Variants in RANGAP1 observed in about 807,000 individuals in gnomAD.
RANGAP1 encodes the protein Ran GTPase activating protein 1.
In RANGAP1, 38 loss-of-function variants were observed where a neutral mutation model predicts 63.5. The ratio of observed to expected loss-of-function variants is 0.60; its 90% CI spans 0.46 to 0.78. The LOEUF (loss-of-function observed/expected upper bound fraction) is 0.78. Ranked by LOEUF, RANGAP1 falls within the 30% of genes least tolerant of loss-of-function variation. RANGAP1 has a pLI of 0.00. For missense variants in RANGAP1, 630 were observed against 740.3 expected, an observed-to-expected ratio of 0.85 and a Z score of 1.73; for synonymous variants, 329 against 310.5, an observed-to-expected ratio of 1.06 and a Z score of -0.63.
At chr22:41,251,162 T>C (rs1601592290) in intron 12 of RANGAP1, 53 bp from the exon 13 acceptor site, 1 of 1,465,196 alleles carries the variant, frequency 6.8e-7, no homozygotes, top group Non-Finnish European at 9.5e-7. Flanking sequence ...GAGAGGTACC[T>C]GGGCTCTGAC....
intron 11 of RANGAP1, 30 bp from the exon 12 acceptor site, chr22:41,253,021 G>A (rs2033578151): frequency 7.0e-7 from 1 of 1,418,862 alleles, no homozygotes; most frequent in East Asian, 2.8e-5. Context: ...AGGCTCTGGA[G>A]AATTCCGGAC....
chr22:41,269,696 T>C (rs371747709), intron 3 of RANGAP1, among the ~76,000 whole-genome samples: 1 of 146,786 alleles, frequency 6.8e-6, no homozygotes, highest in African/African-American at 2.5e-5. Flanking sequence ...GAGCTGAAAT[T>C]GCGCCACTAC....
chr22:41,256,821 A>C lies in RANGAP1; in HGVS notation c.778T>G (p.Leu260Val), dbSNP rs2033868936. Reference sequence around the variant, plus strand: ...ACCTCCACCTGCCGCAAGGTCTTCAAGGTCTGTGAGGGGGAAGCAAGGGTC... The same window carrying C: ...ACCTCCACCTGCCGCAAGGTCTTCACGGTCTGTGAGGGGGAAGCAAGGGTC... ...EKGAVAMAET[L>V]KTLRQVEVIN... Residue 260 changes from leucine (L) to valine (V), a missense_variant, in exon 8 of 16, where the codon TTG becomes GTG. Leu to Val is a conservative substitution (Grantham distance 32). Coordinates refer to ENST00000356244, the MANE Select transcript of RANGAP1 (RefSeq NM_002883.4). 1.2e-6 allele frequency: 2 copies of C among 1,613,274 alleles called. No individual in the cohort carries two copies. The highest frequency in any genetic ancestry group is 2.2e-5 in the South Asian group (2 of 91,040).
At position 41,256,665 on chromosome 22, in the gene RANGAP1, C is replaced by T. The variant is rs368896253; in HGVS notation, c.888+46G>A. ...ACCCCTGTGCCCCCAGCCGCCCCACCACCCACAGACCCCAGAGGGAGGACG... is the reference window on the plus strand; with the variant it reads ...ACCCCTGTGCCCCCAGCCGCCCCACTACCCACAGACCCCAGAGGGAGGACG... On this transcript the variant is annotated intron_variant, in intron 8 of 15. Coordinates refer to ENST00000356244, the MANE Select transcript of RANGAP1 (RefSeq NM_002883.4). 8 of 1,564,228 alleles carry T rather than the reference C, an allele frequency of 5.1e-6. No homozygotes were observed. The African/African-American group carries it at 9.5e-5, about 18-fold the overall frequency.
chr22:41,261,583 G>A lies in RANGAP1; in HGVS notation c.481-3C>T. The A allele has an allele frequency of 6.2e-7, 1 of 1,614,238 alleles. No homozygotes were observed. The highest frequency in any genetic ancestry group is 8.5e-7 in the Non-Finnish European group (1 of 1,180,056). ...TCGGTCAGAGCTGCAGCCAGGATCT[G>A]TGGGGAAAGGCAAGGGGCCCTGGTC... On this transcript the variant is annotated splice_polypyrimidine_tract_variant and splice_region_variant and intron_variant, in intron 5 of 15. Coordinates refer to ENST00000356244, the MANE Select transcript of RANGAP1 (RefSeq NM_002883.4).
intron 6 of RANGAP1, among the ~76,000 whole-genome samples, chr22:41,260,237 T>G (rs778620662): frequency 6.6e-6 from 1 of 152,202 alleles, no homozygotes; most frequent in Non-Finnish European, 1.5e-5. Context: ...ACCCCCATTC[T>G]AAGCCCACCA....
At chr22:41,280,800 C>T in intron 2 of RANGAP1, 133 bp downstream of exon 2, 1 of 1,529,612 alleles carries the variant, frequency 6.5e-7, no homozygotes, top group East Asian at 2.4e-5. Flanking sequence ...AGAATAGGCC[C>T]AATGATACCT....
At chr22:41,283,997 C>T (rs999601760) in intron 1 of RANGAP1, among the ~76,000 whole-genome samples, 1 of 152,214 alleles carries the variant, frequency 6.6e-6, no homozygotes, top group Non-Finnish European at 1.5e-5. Context: ...ACCTATAATC[C>T]TAGTACTTTG....
chr22:41,289,251 A>C (rs2035809241), upstream of RANGAP1, among the ~76,000 whole-genome samples: 2 of 151,962 alleles, frequency 1.3e-5, no homozygotes. Flanking sequence ...ACCTCTTTAC[A>C]AATGGGGAGA....
At chr22:41,246,767 T>G in intron 15 of RANGAP1, 95 bp from the exon 16 acceptor site, 1 of 1,173,896 alleles carries the variant, frequency 8.5e-7, no homozygotes, top group South Asian at 1.3e-5. Flanking sequence ...TTTTTGTTAA[T>G]TTGCACAACG....
At chr22:41,270,306 A>G (rs941836818) in intron 3 of RANGAP1, among the ~76,000 whole-genome samples, 1 of 150,754 alleles carries the variant, frequency 6.6e-6, no homozygotes, top group Non-Finnish European at 1.5e-5. Context: ...GCGCCCAGCT[A>G]ATTTTTATAT....
intron 1 of RANGAP1, among the ~76,000 whole-genome samples, chr22:41,283,834 A>G: frequency 6.6e-6 from 1 of 152,290 alleles, no homozygotes; most frequent in East Asian, 1.9e-4. Context: ...AAACCACTGA[A>G]GTTTTTAGCA....
chr22:41,259,586 C>T (rs1371150239), intron 6 of RANGAP1, among the ~76,000 whole-genome samples: 2 of 152,092 alleles, frequency 1.3e-5, no homozygotes, highest in Non-Finnish European at 2.9e-5. Context: ...GGGGTGGGTC[C>T]ACTATTACTG....
chr22:41,287,051 T>C (rs967892268), upstream of RANGAP1, among the ~76,000 whole-genome samples: 6 of 152,168 alleles, frequency 3.9e-5, no homozygotes, highest in African/African-American at 9.7e-5. Flanking sequence ...AGGACAATAC[T>C]GAAACAGCAA....
intron 11 of RANGAP1, among the ~76,000 whole-genome samples, chr22:41,253,756 A>C (rs1443045145): frequency 6.6e-6 from 1 of 152,240 alleles, no homozygotes; most frequent in African/African-American, 2.4e-5. Context: ...TATAATATAC[A>C]TAATGCAGCA....
At chr22:41,256,660 C>T (rs374784745) in intron 8 of RANGAP1, 51 bp downstream of exon 8, 78 of 1,545,690 alleles carry the variant, frequency 5.0e-5, no homozygotes, top group Admixed American at 6.8e-5. Context: ...CCCCAGCCGC[C>T]CCACCACCCA....
At chr22:41,253,814 T>C (rs947732542) in intron 11 of RANGAP1, among the ~76,000 whole-genome samples, 12 of 152,172 alleles carry the variant, frequency 7.9e-5, no homozygotes, top group African/African-American at 2.2e-4. Context: ...AATAGAAATA[T>C]AGGTAACTAT....
intron 6 of RANGAP1, among the ~76,000 whole-genome samples, chr22:41,260,719 TGCCCGTAATTCCAGCTACTCGGGAG>T (rs2034117131): frequency 6.6e-6 from 1 of 151,844 alleles, no homozygotes; most frequent in Non-Finnish European, 1.5e-5. Context: ...TGGTGGCGGG[TGCCCGTAATTCCAGCTACTCGGGAG>T]GCTGAGGCAG....
At chr22:41,268,713 G>T (rs1284842759) in intron 3 of RANGAP1, among the ~76,000 whole-genome samples, 1 of 152,154 alleles carries the variant, frequency 6.6e-6, no homozygotes, top group Non-Finnish European at 1.5e-5. Context: ...CCTCTAGGTG[G>T]ACGTGTGACG....
Sources: allele counts gnomAD v4.1 joint callset (sites outside exome capture counted in the v4.1 genomes callset), GRCh38; gene constraint gnomAD v4.1.1; transcripts MANE v1.5; gene names NCBI Gene and HGNC (gene_info 2026-07-23, HGNC 2026-07-21).